SLC24A3: variants seen among roughly 807,000 people sequenced by gnomAD.
The protein encoded by SLC24A3 is solute carrier family 24 member 3, also known as sodium/potassium/calcium exchanger 3.
A neutral mutation model predicts 75.8 loss-of-function variants in SLC24A3; 28 were observed. That is an observed-to-expected ratio of 0.37 (90% CI 0.27 to 0.51). The LOEUF (loss-of-function observed/expected upper bound fraction) is 0.51, where lower values mean the gene tolerates loss of function less well. Ranked by LOEUF, SLC24A3 falls within the 20% of genes least tolerant of loss-of-function variation. SLC24A3 has a pLI of 0.94. For synonymous variants in SLC24A3, 372 were observed against 334.1 expected, an observed-to-expected ratio of 1.11 and a Z score of -1.24; for missense variants, 663 against 847.8, an observed-to-expected ratio of 0.78 and a Z score of 2.71.
At chr20:19,493,629 G>A (rs976837667) in intron 2 of SLC24A3, among the ~76,000 whole-genome samples, 2 of 152,190 alleles carry the variant, frequency 1.3e-5, no homozygotes, top group African/African-American at 2.4e-5. Flanking sequence ...CAGGGGGTGG[G>A]TAAGAGGAGA....
chr20:19,580,111 C>T, intron 4 of SLC24A3, 37 bp downstream of exon 4: 2 of 1,569,068 alleles, frequency 1.3e-6, no homozygotes, highest in Non-Finnish European at 1.8e-6. Context: ...GTGAGCCAGA[C>T]TGGGGACTGG....
intron 2 of SLC24A3, among the ~76,000 whole-genome samples, chr20:19,454,822 G>A (rs538103732): frequency 6.6e-6 from 1 of 152,298 alleles, no homozygotes; most frequent in East Asian, 1.9e-4. Flanking sequence ...CAATGTAAGT[G>A]CAGGAAGGGT....
intron 6 of SLC24A3, among the ~76,000 whole-genome samples, chr20:19,590,115 T>A (rs62200270): frequency 0.041 from 6,179 of 150,922 alleles, 166 homozygotes; most frequent in South Asian, 0.092. Flanking sequence ...ATTAGATAGG[T>A]GCAAAAGTAA....
At chr20:19,507,758 G>C (rs1326331938) in intron 2 of SLC24A3, among the ~76,000 whole-genome samples, 1 of 152,184 alleles carries the variant, frequency 6.6e-6, no homozygotes, top group Non-Finnish European at 1.5e-5. Context: ...ATTGCCACCA[G>C]AGTTGGGATC....
At chr20:19,537,312 C>T (rs2030416916) in intron 3 of SLC24A3, among the ~76,000 whole-genome samples, 1 of 152,150 alleles carries the variant, frequency 6.6e-6, no homozygotes, top group Non-Finnish European at 1.5e-5. Flanking sequence ...AAATGCAAAT[C>T]AAAACCACAG....
chr20:19,366,324 T>G (rs1985891146), intron 2 of SLC24A3, among the ~76,000 whole-genome samples: 1 of 152,204 alleles, frequency 6.6e-6, no homozygotes, highest in Admixed American at 6.5e-5. Flanking sequence ...ATCCCAGCCT[T>G]CTAGAAGTGA....
At chr20:19,216,466 T>A (rs1407778040) in intron 1 of SLC24A3, among the ~76,000 whole-genome samples, 1 of 151,972 alleles carries the variant, frequency 6.6e-6, no homozygotes, top group East Asian at 1.9e-4. Flanking sequence ...TTTAATTAGC[T>A]GGGTGTGGTG....
intron 2 of SLC24A3, among the ~76,000 whole-genome samples, chr20:19,286,248 T>G (rs1254632050): frequency 6.6e-6 from 1 of 152,034 alleles, no homozygotes. Context: ...AAGCCCACAG[T>G]TAACAGTTAA....
At chr20:19,628,202 CAAAA>C (rs776701707) in intron 6 of SLC24A3, among the ~76,000 whole-genome samples, 1 of 51,828 alleles carries the variant, frequency 1.9e-5, no homozygotes, top group Non-Finnish European at 4.4e-5. Flanking sequence ...GACTCCATCT[CAAAA>C]AAAAAAAAAA....
intron 6 of SLC24A3, among the ~76,000 whole-genome samples, chr20:19,613,399 A>T (rs1351973027): frequency 6.6e-6 from 1 of 152,192 alleles, no homozygotes; most frequent in African/African-American, 2.4e-5. Context: ...TAGTTCAGGG[A>T]TAAAGAGCCT....
intron 2 of SLC24A3, among the ~76,000 whole-genome samples, chr20:19,329,593 A>G (rs187106739): frequency 6.6e-6 from 1 of 152,378 alleles, no homozygotes; most frequent in East Asian, 1.9e-4. Flanking sequence ...TCATGAAGCT[A>G]TGAAGGCTAT....
At chr20:19,535,710 C>T (rs1159613198) in intron 3 of SLC24A3, among the ~76,000 whole-genome samples, 1 of 152,160 alleles carries the variant, frequency 6.6e-6, no homozygotes, top group Non-Finnish European at 1.5e-5. Flanking sequence ...GTTGTGTCTG[C>T]ATAACAAACA....
chr20:19,474,426 A>G (rs1987927616), intron 2 of SLC24A3, among the ~76,000 whole-genome samples: 1 of 152,220 alleles, frequency 6.6e-6, no homozygotes. Context: ...CTGTTAAGGA[A>G]AATACTAACT....
chr20:19,715,356 G>T (rs189240932), intron 15 of SLC24A3, among the ~76,000 whole-genome samples: 1 of 152,228 alleles, frequency 6.6e-6, no homozygotes, highest in Non-Finnish European at 1.5e-5. Flanking sequence ...TAAGCCACCA[G>T]CTGGACTGCG....
intron 6 of SLC24A3, among the ~76,000 whole-genome samples, chr20:19,642,852 T>TC (rs1310399798): frequency 3.9e-5 from 6 of 152,350 alleles, no homozygotes; most frequent in African/African-American, 1.4e-4. Flanking sequence ...TTCTTTATTG[T>TC]CCAACACAGA....
chr20:19,262,905 GC>G (rs879835534), intron 1 of SLC24A3, among the ~76,000 whole-genome samples: 3 of 151,752 alleles, frequency 2.0e-5, no homozygotes, highest in Non-Finnish European at 2.9e-5. Context: ...CACAATATTT[GC>G]CCCGAGCCAT....
rs1333294335 is a variant in SLC24A3 at position 19,708,801 on chromosome 20, AC to A, written c.1720-8724del. Among the ~76,000 whole-genome samples the A allele has an allele frequency of 7.2e-5, 11 of 152,122 alleles. 1 individual carries two copies. Among genetic ancestry groups the A allele is most frequent in the Non-Finnish European group, 1.3e-4 (9 of 68,002 alleles). On this transcript the variant is annotated intron_variant, in intron 15 of 16. Transcript: ENST00000328041. ...AGCTCCTGGGAGCAAAAGTATCACC[AC>A]CCAATCCCCTTGATCTTGACCATTG...
chr20:19,439,118 T>G (rs933413030), intron 2 of SLC24A3, among the ~76,000 whole-genome samples: 18 of 152,182 alleles, frequency 1.2e-4, no homozygotes, highest in Admixed American at 7.8e-4. Context: ...CTGCTGTGCT[T>G]GTCTCCACTG....
intron 12 of SLC24A3, among the ~76,000 whole-genome samples, chr20:19,690,636 A>G (rs192274871): frequency 1.3e-5 from 2 of 152,294 alleles, no homozygotes; most frequent in East Asian, 3.9e-4. Context: ...TTATCAGCAC[A>G]TTGCGGGATT....
Sources: gnomAD v4.1 joint callset for allele counts (sites outside exome capture counted in the v4.1 genomes callset) on GRCh38, gnomAD v4.1.1 for gene constraint, MANE v1.5 for transcripts, NCBI Gene and HGNC (gene_info 2026-07-23, HGNC 2026-07-21) for gene names.